The following LRRIQ1 variants were observed in gnomAD, a reference collection of about 807,000 sequenced individuals.
The protein encoded by LRRIQ1 is leucine rich repeats and IQ motif containing 1.
A neutral mutation model predicts 211.9 loss-of-function variants in LRRIQ1; 210 were observed. That is an observed-to-expected ratio of 0.99 (90% CI 0.89 to 1.11). The LOEUF (loss-of-function observed/expected upper bound fraction) is 1.11, where lower values mean the gene tolerates loss of function less well. LRRIQ1 is among the 50% of genes most tolerant of loss of function. LRRIQ1 has a pLI of 0.00. For synonymous variants in LRRIQ1, 699 were observed against 650.1 expected (o/e 1.08, Z -1.14); for missense variants, 2,136 against 1,939.5 (o/e 1.10, Z -1.90).
chr12:85,195,647 A>C (rs1447058302), intron 24 of LRRIQ1, among the ~76,000 whole-genome samples: 1 of 151,388 alleles, frequency 6.6e-6, no homozygotes, highest in East Asian at 1.9e-4. Context: ...AAAAACTCTC[A>C]ATAAATTAGG....
chr12:85,053,300 A>T (rs1161747691), intron 7 of LRRIQ1, among the ~76,000 whole-genome samples: 1 of 152,196 alleles, frequency 6.6e-6, no homozygotes, highest in Non-Finnish European at 1.5e-5. Context: ...AATTGTTTTT[A>T]AAAAATCAAC....
intron 10 of LRRIQ1, among the ~76,000 whole-genome samples, chr12:85,072,211 T>A (rs573275553): frequency 1.3e-5 from 2 of 150,784 alleles, no homozygotes; most frequent in Non-Finnish European, 1.5e-5. Context: ...TACCTTAGAT[T>A]TAAAATTTCC....
At chr12:85,240,273 C>T (rs1372889751) in intron 26 of LRRIQ1, among the ~76,000 whole-genome samples, 3 of 152,082 alleles carry the variant, frequency 2.0e-5, no homozygotes, top group African/African-American at 7.2e-5. Context: ...CACTCTACCC[C>T]ATTAAAGTGG....
At chr12:85,216,641 CAT>C (rs1243262444) in intron 24 of LRRIQ1, among the ~76,000 whole-genome samples, 1 of 151,604 alleles carries the variant, frequency 6.6e-6, no homozygotes, top group Non-Finnish European at 1.5e-5. Flanking sequence ...TTAATATTTA[CAT>C]GATTAATAGT....
intron 26 of LRRIQ1, among the ~76,000 whole-genome samples, chr12:85,240,309 C>G: frequency 6.6e-6 from 1 of 152,086 alleles, no homozygotes; most frequent in South Asian, 2.1e-4. Flanking sequence ...CTGAAATTAT[C>G]AAATGTTGAC....
chr12:85,140,397 G>A (rs1889453492), intron 19 of LRRIQ1, among the ~76,000 whole-genome samples: 1 of 151,004 alleles, frequency 6.6e-6, no homozygotes, highest in Non-Finnish European at 1.5e-5. Context: ...TAGTTGATTT[G>A]TTCCTAAGTA....
chr12:85,057,129 C>T lies in LRRIQ1; in HGVS notation c.2336C>T (p.Pro779Leu), dbSNP rs1881212350. 1.3e-6 allele frequency: 2 copies of T among 1,590,054 alleles called. No homozygotes were observed. Among genetic ancestry groups the T allele is most frequent in the African/African-American group, 2.7e-5 (2 of 73,192 alleles). ...GTGAAATGCCCAGCCAACATGACAC[C>T]CGCTTTGGATAAACTGGAAATTCTT... ...RPVKCPANMT[P>L]ALDKLEILRC... Residue 779 changes from proline to leucine, a missense_variant, in exon 8 of 27, where the codon CCC (proline) becomes CTC (leucine). Coordinates refer to ENST00000393217, the MANE Select transcript of LRRIQ1 (RefSeq NM_001079910.2).
chr12:85,154,070 T>C lies in LRRIQ1; in HGVS notation c.4696T>C (p.Ser1566Pro), dbSNP rs746299428. The C allele has an allele frequency of 1.3e-6, 2 of 1,566,138 alleles. No individual in the cohort carries two copies. Among genetic ancestry groups the C allele is most frequent in the East Asian group, 4.7e-5 (2 of 42,954 alleles). ...GTTGAAGAGGGCACAGAAAATGAAA[T>C]CGAAGAAACTAAAGAAAAAAATAGG... ...QMLKRAQKMK[S>P]KKLKKKIDST... The change falls in exon 23 of 27, where the codon TCG becomes CCG. Residue 1566 changes from serine (S) to proline (P), a missense_variant. Ser to Pro is a moderately conservative substitution (Grantham distance 74, BLOSUM62 -1). Coordinates refer to ENST00000393217, the MANE Select transcript of LRRIQ1 (RefSeq NM_001079910.2).
At chr12:85,041,732 C>G (rs1878916302) in intron 3 of LRRIQ1, among the ~76,000 whole-genome samples, 1 of 151,680 alleles carries the variant, frequency 6.6e-6, no homozygotes, top group South Asian at 2.1e-4. Flanking sequence ...ATGACAGTAT[C>G]TGAATTTTAT....
chr12:85,270,127 C>T, the LRRIQ1 span, among the ~76,000 whole-genome samples: 1 of 152,010 alleles, frequency 6.6e-6, no homozygotes, highest in Non-Finnish European at 1.5e-5. Context: ...AGAGTTTCAC[C>T]ATAATGAATT....
At chr12:85,243,777 G>A (rs530203190) in intron 26 of LRRIQ1, among the ~76,000 whole-genome samples, 5 of 151,636 alleles carry the variant, frequency 3.3e-5, no homozygotes, top group Non-Finnish European at 5.9e-5. Context: ...TAGGAAGAAG[G>A]TGGGAGGGGG....
At chr12:85,208,721 G>A (rs1007161680) in intron 24 of LRRIQ1, among the ~76,000 whole-genome samples, 1 of 152,060 alleles carries the variant, frequency 6.6e-6, no homozygotes, top group Non-Finnish European at 1.5e-5. Flanking sequence ...AAGAAAATTA[G>A]AACTACGGAC....
At chr12:85,268,169 C>CA (rs943747276), downstream of LRRIQ1, among the ~76,000 whole-genome samples, 1 of 151,446 alleles carries the variant, frequency 6.6e-6, no homozygotes, top group Non-Finnish European at 1.5e-5. Flanking sequence ...GGAAATTTTT[C>CA]AAAAAAATAC....
At chr12:85,066,534 A>C (rs1395890187) in intron 9 of LRRIQ1, among the ~76,000 whole-genome samples, 1 of 151,544 alleles carries the variant, frequency 6.6e-6, no homozygotes, top group African/African-American at 2.4e-5. Context: ...TTTTAAAACA[A>C]TAATATTTAA....
chr12:85,257,544 T>C (rs1896155046), intron 1 of LRRIQ1, among the ~76,000 whole-genome samples: 1 of 151,598 alleles, frequency 6.6e-6, no homozygotes, highest in South Asian at 2.1e-4. Flanking sequence ...GCTTATTGGA[T>C]TACACTTTTG....
At position 85,038,319 on chromosome 12, in the gene LRRIQ1, C is replaced by T; in HGVS notation, c.132+11C>T. ...GATGATAGTGATACAGTGAGTATTGCACTTTTGAGCCTTTTAACAGGAGTA... is the reference window on the plus strand; with the variant it reads ...GATGATAGTGATACAGTGAGTATTGTACTTTTGAGCCTTTTAACAGGAGTA... On this transcript the variant is annotated intron_variant, in intron 2 of 26. Transcript: ENST00000393217. 1 of 1,480,480 alleles carries T rather than the reference C, an allele frequency of 6.8e-7. No homozygotes were observed. The highest frequency in any genetic ancestry group is 9.0e-7 in the Non-Finnish European group (1 of 1,109,568). The allele number at this position is 1,480,480 out of a possible 1,614,324, so 91.7% of individuals were successfully genotyped here.
chr12:85,088,312 T>A (rs1464812640), intron 11 of LRRIQ1, among the ~76,000 whole-genome samples: 1 of 152,220 alleles, frequency 6.6e-6, no homozygotes, highest in Non-Finnish European at 1.5e-5. Flanking sequence ...TATATCTCTG[T>A]TTTGGTACCA....
intron 23 of LRRIQ1, among the ~76,000 whole-genome samples, chr12:85,156,702 A>G (rs1171921283): frequency 6.6e-6 from 1 of 151,862 alleles, no homozygotes; most frequent in East Asian, 1.9e-4. Flanking sequence ...GTTTTTAAAT[A>G]TACTTGGAGA....
chr12:85,118,144 T>C (rs1400181893), intron 15 of LRRIQ1, among the ~76,000 whole-genome samples: 1 of 152,140 alleles, frequency 6.6e-6, no homozygotes, highest in Non-Finnish European at 1.5e-5. Context: ...CTTTGAACCA[T>C]GTCTTAAAAT....
Sources: allele counts gnomAD v4.1 joint callset (sites outside exome capture counted in the v4.1 genomes callset), GRCh38; gene constraint gnomAD v4.1.1; transcripts MANE v1.5; gene names NCBI Gene and HGNC (gene_info 2026-07-23, HGNC 2026-07-21).